The following SUGCT variants were observed in gnomAD, a reference collection of about 807,000 sequenced individuals.
SUGCT encodes the protein succinyl-CoA:glutarate CoA-transferase.
In SUGCT, 41 loss-of-function variants were observed where a neutral mutation model predicts 55.0. That is an observed-to-expected ratio of 0.74 (90% CI 0.58 to 0.97). The LOEUF is 0.97. SUGCT is among the 50% of genes least tolerant of loss of function. SUGCT has a pLI of 0.00. For missense variants in SUGCT, 568 were observed against 547.8 expected, an observed-to-expected ratio of 1.04 and a Z score of -0.37; for synonymous variants, 187 against 200.4, an observed-to-expected ratio of 0.93 and a Z score of 0.56.
At chr7:40,339,711 C>T (rs1191717224) in intron 9 of SUGCT, among the ~76,000 whole-genome samples, 1 of 152,194 alleles carries the variant, frequency 6.6e-6, no homozygotes. Flanking sequence ...GGTGATGCTT[C>T]ACCTTGCCTT....
At chr7:40,358,390 A>T (rs1013876025) in intron 9 of SUGCT, among the ~76,000 whole-genome samples, 1 of 152,094 alleles carries the variant, frequency 6.6e-6, no homozygotes, top group African/African-American at 2.4e-5. Context: ...TATTTCTATG[A>T]GGCTCTTTAT....
At chr7:40,553,745 A>G (rs191489847) in intron 12 of SUGCT, among the ~76,000 whole-genome samples, 9 of 152,290 alleles carry the variant, frequency 5.9e-5, no homozygotes, top group African/African-American at 2.2e-4. Context: ...AAGCTGGGCT[A>G]TGTTTCAAAT....
At chr7:40,611,869 A>G (rs1369622083) in intron 12 of SUGCT, among the ~76,000 whole-genome samples, 1 of 152,204 alleles carries the variant, frequency 6.6e-6, no homozygotes, top group African/African-American at 2.4e-5. Context: ...ATTGAGTAGA[A>G]CAGCTGATAT....
chr7:41,032,498 A>G, the SUGCT span, among the ~76,000 whole-genome samples: 12 of 152,092 alleles, frequency 7.9e-5, no homozygotes, highest in African/African-American at 2.9e-4. Context: ...TGGAATGTAA[A>G]GGAAAGGCAA....
At chr7:40,392,909 C>A (rs1363238692) in intron 9 of SUGCT, among the ~76,000 whole-genome samples, 1 of 152,136 alleles carries the variant, frequency 6.6e-6, no homozygotes, top group African/African-American at 2.4e-5. Flanking sequence ...CAGGCTTAAG[C>A]CTGTAAAACT....
chr7:40,997,181 A>T, the SUGCT span, among the ~76,000 whole-genome samples: 1 of 152,190 alleles, frequency 6.6e-6, no homozygotes, highest in African/African-American at 2.4e-5. Flanking sequence ...TTCTCTGAGC[A>T]TCTGATGGTT....
chr7:40,862,089 T>A (rs1794498468), downstream of SUGCT, among the ~76,000 whole-genome samples: 2 of 152,212 alleles, frequency 1.3e-5, no homozygotes, highest in South Asian at 4.1e-4. Flanking sequence ...TGGGTAGATA[T>A]CTTGAAATGC....
intron 8 of SUGCT, among the ~76,000 whole-genome samples, chr7:40,298,203 A>T (rs865973409): frequency 1.3e-3 from 192 of 152,216 alleles, no homozygotes; most frequent in African/African-American, 4.3e-3. Flanking sequence ...AAAAAAAAAA[A>T]AAAGATCAGT....
intron 1 of SUGCT, among the ~76,000 whole-genome samples, chr7:40,180,015 T>C (rs1184890175): frequency 6.6e-6 from 1 of 152,244 alleles, no homozygotes; most frequent in African/African-American, 2.4e-5. Context: ...ATGCTTTGCC[T>C]ATCAGTTTAC....
At chr7:40,271,846 C>A (rs1410245442) in intron 7 of SUGCT, among the ~76,000 whole-genome samples, 1 of 151,916 alleles carries the variant, frequency 6.6e-6, no homozygotes, top group African/African-American at 2.4e-5. Context: ...CCCTACCCTT[C>A]CCAGCCTCTG....
At chr7:41,033,061 CA>C in the SUGCT span, among the ~76,000 whole-genome samples, 12 of 152,130 alleles carry the variant, frequency 7.9e-5, no homozygotes, top group African/African-American at 2.9e-4. Flanking sequence ...TGCGTGGGGC[CA>C]AAAAACACCC....
chr7:40,206,319 T>C (rs1786973197), intron 6 of SUGCT, among the ~76,000 whole-genome samples: 1 of 152,204 alleles, frequency 6.6e-6, no homozygotes, highest in African/African-American at 2.4e-5. Context: ...TCGCTAATTA[T>C]TTTTTCCATT....
At chr7:40,553,901 C>G (rs1253537156) in intron 12 of SUGCT, among the ~76,000 whole-genome samples, 1 of 152,216 alleles carries the variant, frequency 6.6e-6, no homozygotes, top group Non-Finnish European at 1.5e-5. Context: ...GTGGGCTAAC[C>G]TGGCACCTAA....
In SUGCT at chr7:40,502,569, A is replaced by C. The variant is rs189991619; in HGVS notation, c.1089+6183A>C. Among the ~76,000 whole-genome samples the C allele has an allele frequency of 1.3e-3, 192 of 152,112 alleles. 1 individual carries two copies. The highest frequency in any genetic ancestry group is 4.3e-3 in the African/African-American group (178 of 41,564). ...TTTTATTTAACTTAAAATATTCAAA[A>C]TATAAATGCAATTAAAATTAAAGGA... On this transcript the variant is annotated intron_variant, in intron 12 of 13. Transcript: ENST00000335693.
the SUGCT span, among the ~76,000 whole-genome samples, chr7:40,940,988 G>A: frequency 2.0e-5 from 3 of 152,104 alleles, no homozygotes; most frequent in African/African-American, 7.2e-5. Flanking sequence ...TCCCTATTTA[G>A]TATGTTGTTG....
chr7:40,197,878 A>G (rs948233383), intron 6 of SUGCT, among the ~76,000 whole-genome samples: 13 of 152,236 alleles, frequency 8.5e-5, no homozygotes, highest in Non-Finnish European at 2.9e-5. Context: ...ACACTTCCTA[A>G]TGATTCACAT....
At chr7:40,470,757 C>G (rs1190922152) in intron 11 of SUGCT, among the ~76,000 whole-genome samples, 1 of 151,588 alleles carries the variant, frequency 6.6e-6, no homozygotes, top group African/African-American at 2.4e-5. Flanking sequence ...GTCTCTCTCT[C>G]TCTCTCTCTC....
chr7:40,917,928 G>T, the SUGCT span, among the ~76,000 whole-genome samples: 1 of 152,016 alleles, frequency 6.6e-6, no homozygotes. Context: ...TGGGGGTTAG[G>T]ACTTCACCAT....
intron 11 of SUGCT, among the ~76,000 whole-genome samples, chr7:40,462,789 T>C (rs879477340): frequency 2.6e-5 from 4 of 152,216 alleles, no homozygotes; most frequent in Non-Finnish European, 5.9e-5. Flanking sequence ...TTGCAGACTT[T>C]CTAGAAGACA....
Sources: allele counts gnomAD v4.1 joint callset (sites outside exome capture counted in the v4.1 genomes callset), GRCh38; gene constraint gnomAD v4.1.1; transcripts MANE v1.5; gene names NCBI Gene and HGNC (gene_info 2026-07-23, HGNC 2026-07-21).